Variants in STOX1 observed in about 807,000 individuals in gnomAD.
STOX1 encodes storkhead-box protein 1.
Under a neutral mutation model 74.8 loss-of-function variants are expected in STOX1, and 57 were observed. That is an observed-to-expected ratio of 0.76 (90% CI 0.62 to 0.95). STOX1 has a LOEUF of 0.95. STOX1 is among the 40% of genes least tolerant of loss of function. The pLI, the probability that STOX1 is intolerant of heterozygous loss-of-function variation, is 0.00. For synonymous variants in STOX1, 375 were observed against 401.3 expected (o/e 0.93, Z 0.78); for missense variants, 1,010 against 1,117.0 (o/e 0.90, Z 1.37).
intron 1 of STOX1, among the ~76,000 whole-genome samples, chr10:68,867,914 T>A (rs1275161641): frequency 6.6e-6 from 1 of 152,264 alleles, no homozygotes; most frequent in African/African-American, 2.4e-5. Flanking sequence ...TTCACTCCTT[T>A]TCTGAGGAGC....
chr10:68,877,925 A>G (rs947929885), intron 1 of STOX1, among the ~76,000 whole-genome samples: 4 of 152,068 alleles, frequency 2.6e-5, no homozygotes. Context: ...TCTAGGTTTT[A>G]TGGCTGGATT....
At chr10:68,845,110 C>T (rs10998458) in intron 1 of STOX1, among the ~76,000 whole-genome samples, 136,617 of 151,658 alleles carry the variant, frequency 0.9, 61,542 homozygotes, top group East Asian at 0.97. Flanking sequence ...TGTTTTAATT[C>T]TTTTTTCTTC....
chr10:68,847,389 G>A (rs1313940616), intron 1 of STOX1, among the ~76,000 whole-genome samples: 1 of 150,790 alleles, frequency 6.6e-6, no homozygotes, highest in Non-Finnish European at 1.5e-5. Context: ...GTGGATTTGG[G>A]GATTGGAAGG....
chr10:68,839,082 G>A lies in STOX1; in HGVS notation c.310+11149G>A, dbSNP rs537556573. Among the ~76,000 whole-genome samples, 16 of 152,266 alleles carry A rather than the reference G, an allele frequency of 1.1e-4. No homozygotes were observed. In the South Asian group the frequency reaches 3.1e-3, roughly 30 times the overall value. ...CCATATCCATGGATTGGGAGACTTA[G>A]TATTTTTTAAATGTTCATGCTACCC... On this transcript the variant is annotated intron_variant, in intron 1 of 3. Coordinates refer to ENST00000298596, the MANE Select transcript of STOX1 (RefSeq NM_152709.5).
intron 1 of STOX1, among the ~76,000 whole-genome samples, chr10:68,876,553 C>A (rs1840683758): frequency 6.6e-6 from 1 of 152,188 alleles, no homozygotes; most frequent in South Asian, 2.1e-4. Context: ...GTAGCAGGCA[C>A]AAATAACCTC....
chr10:68,827,740 T>C lies in STOX1; in HGVS notation c.117T>C (p.Ala39=), dbSNP rs766441213. ...CTGGTGGGCGCGCGGTGTTCCGCGC[T>C]TTCCGTCGCGCCAACGCGCGCTGCT... ...EEPGGRAVFR[A]FRRANARCFW... Residue 39 remains alanine, a synonymous_variant, in exon 1 of 4, where the codon GCT becomes GCC. Coordinates refer to ENST00000298596, the MANE Select transcript of STOX1 (RefSeq NM_152709.5). The C allele has an allele frequency of 0.3, 240,567 of 813,426 alleles. 37,667 individuals carry two copies. Among genetic ancestry groups the C allele is most frequent in the African/African-American group, 0.52 (24,470 of 46,842 alleles). 50.4% of individuals were successfully genotyped at this position (813,426 alleles called of 1,614,324 possible). A position where few individuals can be genotyped will look rare whatever the true frequency, so the allele number is the denominator to read the frequency against.
At chr10:68,845,787 AG>A (rs1314057744) in intron 1 of STOX1, among the ~76,000 whole-genome samples, 1 of 151,242 alleles carries the variant, frequency 6.6e-6, no homozygotes, top group Non-Finnish European at 1.5e-5. Flanking sequence ...TTTTTAGTAG[AG>A]ACGGGGCTTC....
At chr10:68,828,967 C>T in intron 1 of STOX1, 1 of 985,448 alleles carries the variant, frequency 1.0e-6, no homozygotes, top group Non-Finnish European at 1.2e-6. Context: ...CGTGAGTGGT[C>T]TCTGACTCTG....
At chr10:68,882,211 C>T in intron 2 of STOX1, 101 bp downstream of exon 2, 2 of 1,179,454 alleles carry the variant, frequency 1.7e-6, no homozygotes, top group Non-Finnish European at 2.5e-6. Context: ...TCCTTTTTTC[C>T]CCTCTTCTAT....
At chr10:68,889,295 T>A (rs181465173) in intron 3 of STOX1, among the ~76,000 whole-genome samples, 1 of 152,124 alleles carries the variant, frequency 6.6e-6, no homozygotes, top group Non-Finnish European at 1.5e-5. Context: ...AAAGTTTTTT[T>A]GATCACTTCT....
intron 1 of STOX1, among the ~76,000 whole-genome samples, chr10:68,832,588 C>T (rs964235719): frequency 1.3e-5 from 2 of 151,422 alleles, no homozygotes; most frequent in East Asian, 1.9e-4. Flanking sequence ...CAGGAGAACC[C>T]GGGAGGCAGA....
At chr10:68,882,334 A>C (rs1321161895) in intron 2 of STOX1, among the ~76,000 whole-genome samples, 2 of 152,090 alleles carry the variant, frequency 1.3e-5, no homozygotes, top group Non-Finnish European at 1.5e-5. Flanking sequence ...TATGGCAATA[A>C]ATAAATAAAT....
chr10:68,835,063 A>T (rs1211647964), intron 1 of STOX1, among the ~76,000 whole-genome samples: 5 of 150,104 alleles, frequency 3.3e-5, no homozygotes, highest in Non-Finnish European at 4.4e-5. Flanking sequence ...TTATTTTGAG[A>T]TGGAGCCTTG....
At chr10:68,833,080 G>GTTTTTTT (rs1185911507) in intron 1 of STOX1, among the ~76,000 whole-genome samples, 45 of 104,622 alleles carry the variant, frequency 4.3e-4, no homozygotes, top group African/African-American at 1.7e-3. Context: ...ACTTCTGTGG[G>GTTTTTTT]TTTTTTTTTT....
chr10:68,848,692 TCTCA>T (rs1469604609), intron 1 of STOX1, among the ~76,000 whole-genome samples: 1 of 152,138 alleles, frequency 6.6e-6, no homozygotes, highest in African/African-American at 2.4e-5. Context: ...TTTGAGACAG[TCTCA>T]CTCTGTCTCC....
At chr10:68,890,838 G>A (rs1235991041) in intron 3 of STOX1, among the ~76,000 whole-genome samples, 1 of 151,204 alleles carries the variant, frequency 6.6e-6, no homozygotes, top group Non-Finnish European at 1.5e-5. Context: ...TTTAGTAGAG[G>A]TGAGGTTTTC....
intron 1 of STOX1, among the ~76,000 whole-genome samples, chr10:68,858,932 A>C (rs940389171): frequency 6.6e-6 from 1 of 152,058 alleles, no homozygotes; most frequent in Non-Finnish European, 1.5e-5. Flanking sequence ...CTCATGATGC[A>C]AAGTGGAGCC....
intron 1 of STOX1, among the ~76,000 whole-genome samples, chr10:68,839,716 C>T (rs1184847960): frequency 2.0e-5 from 3 of 152,094 alleles, no homozygotes; most frequent in Non-Finnish European, 4.4e-5. Context: ...ATGGCAAAAC[C>T]CCATCTCTAC....
chr10:68,876,119 AATATATATATATATATATAT>A lies in STOX1; in HGVS notation c.311-5820_311-5801del, dbSNP rs56325624. On this transcript the variant is annotated intron_variant, in intron 1 of 3. Transcript: ENST00000298596. Reference sequence around the variant, plus strand: ...GGGGTTGCTTTCTGGTCTTTACCAGAATATATATATATATATATATATATATATATATATATATTCTGAAT... The same window carrying A: ...GGGGTTGCTTTCTGGTCTTTACCAGAATATATATATATATATATTCTGAAT... Among the ~76,000 whole-genome samples the A allele has an allele frequency of 3.2e-3, 437 of 135,714 alleles. 5 individuals carry two copies. The highest frequency in any genetic ancestry group is 0.011 in the African/African-American group (420 of 36,636). 89.0% of individuals were successfully genotyped at this position (135,714 alleles called of 152,430 possible).
Sources: allele counts gnomAD v4.1 joint callset (sites outside exome capture counted in the v4.1 genomes callset), GRCh38; gene constraint gnomAD v4.1.1; transcripts MANE v1.5; gene names NCBI Gene and HGNC (gene_info 2026-07-23, HGNC 2026-07-21).